Variants in KHDRBS2 observed in about 807,000 individuals in gnomAD.
KHDRBS2 encodes KH RNA binding domain containing, signal transduction associated 2, also known as KH domain-containing, RNA-binding, signal transduction-associated protein 2.
KHDRBS2 carries 26 observed loss-of-function variants against 44.3 expected under a neutral mutation model. The ratio of observed to expected loss-of-function variants is 0.59; its 90% CI spans 0.43 to 0.81. The LOEUF (loss-of-function observed/expected upper bound fraction) is 0.81, where lower values mean the gene tolerates loss of function less well. Ranked by LOEUF, KHDRBS2 falls within the 40% of genes least tolerant of loss-of-function variation. The probability of loss-of-function intolerance (pLI) is 0.00; values close to 1 mark genes in which losing one functional copy is unlikely to be tolerated. For synonymous variants in KHDRBS2, 194 were observed against 151.1 expected (o/e 1.28, Z -2.08); for missense variants, 476 against 433.1 (o/e 1.10, Z -0.88).
At chr6:61,788,461 A>G (rs1181515874) in intron 6 of KHDRBS2, among the ~76,000 whole-genome samples, 1 of 151,500 alleles carries the variant, frequency 6.6e-6, no homozygotes, top group Admixed American at 6.6e-5. Context: ...CAAAATATGT[A>G]TGAGAACAAT....
chr6:61,592,543 C>T, the KHDRBS2 span, among the ~76,000 whole-genome samples: 1 of 152,168 alleles, frequency 6.6e-6, no homozygotes, highest in Non-Finnish European at 1.5e-5. Flanking sequence ...TAGTTTATTT[C>T]ACTGAAGTAG....
At chr6:61,675,313 C>A (rs965596681), downstream of KHDRBS2, among the ~76,000 whole-genome samples, 3 of 151,632 alleles carry the variant, frequency 2.0e-5, no homozygotes, top group Non-Finnish European at 4.4e-5. Context: ...TTCTTGATAA[C>A]CTTTCATATG....
At chr6:61,694,325 G>T (rs1158159808) in intron 8 of KHDRBS2, among the ~76,000 whole-genome samples, 1 of 152,080 alleles carries the variant, frequency 6.6e-6, no homozygotes, top group East Asian at 1.9e-4. Context: ...ACTTAAAATG[G>T]TTTAAAATCT....
At chr6:61,678,003 A>G (rs1485082967), downstream of KHDRBS2, among the ~76,000 whole-genome samples, 1 of 151,884 alleles carries the variant, frequency 6.6e-6, no homozygotes, top group Non-Finnish European at 1.5e-5. Context: ...TAAAGTTAAC[A>G]TATATTATGG....
At chr6:61,643,459 C>T in the KHDRBS2 span, among the ~76,000 whole-genome samples, 4 of 152,088 alleles carry the variant, frequency 2.6e-5, no homozygotes, top group East Asian at 7.7e-4. Flanking sequence ...AAACCCTGGC[C>T]AGAGCAATCA....
chr6:61,765,265 C>A (rs72878825), intron 6 of KHDRBS2, among the ~76,000 whole-genome samples: 5,023 of 151,988 alleles, frequency 0.033, 118 homozygotes, highest in Non-Finnish European at 0.055. Flanking sequence ...CCAGCCTGGG[C>A]AAAATAGGGA....
the KHDRBS2 span, among the ~76,000 whole-genome samples, chr6:61,603,138 C>T: frequency 6.6e-6 from 1 of 152,192 alleles, no homozygotes; most frequent in African/African-American, 2.4e-5. Context: ...CCTGTTGTCA[C>T]TTGCCTGTTA....
intron 4 of KHDRBS2, among the ~76,000 whole-genome samples, chr6:61,957,993 C>A: frequency 6.6e-6 from 1 of 152,082 alleles, no homozygotes; most frequent in East Asian, 1.9e-4. Context: ...TAGAAAAGAA[C>A]CTACATGAAA....
chr6:61,637,934 G>A, the KHDRBS2 span, among the ~76,000 whole-genome samples: 1 of 151,922 alleles, frequency 6.6e-6, no homozygotes, highest in African/African-American at 2.4e-5. Context: ...CTGGATATTA[G>A]CCCTTTTCAG....
chr6:61,885,370 T>C (rs1800799090), intron 6 of KHDRBS2, among the ~76,000 whole-genome samples: 1 of 152,194 alleles, frequency 6.6e-6, no homozygotes, highest in South Asian at 2.1e-4. Context: ...GTCTCTTTCA[T>C]AGCTGAGCTG....
chr6:61,769,417 G>A (rs1218426412), intron 6 of KHDRBS2, among the ~76,000 whole-genome samples: 2 of 152,180 alleles, frequency 1.3e-5, no homozygotes, highest in South Asian at 2.1e-4. Context: ...CCTAGTCAAA[G>A]AAAGCAGTGA....
rs189546033 is a variant in KHDRBS2 at position 61,964,818 on chromosome 6, T to A, written c.483+13248A>T. On this transcript the variant is annotated intron_variant, in intron 4 of 8. Transcript: ENST00000281156. ...GAAATGTGCTTCAAAGGAAAAGCAC[T>A]TAAACAGATTTCCACACAGGTGTTT... Among the ~76,000 whole-genome samples the A allele has an allele frequency of 2.2e-3, 342 of 152,218 alleles. 2 individuals carry two copies. Among genetic ancestry groups the A allele is most frequent in the African/African-American group, 8.0e-3 (333 of 41,556 alleles).
chr6:62,242,967 T>C (rs1470964795), intron 1 of KHDRBS2, among the ~76,000 whole-genome samples: 3 of 152,286 alleles, frequency 2.0e-5, no homozygotes, highest in Middle Eastern at 3.4e-3. Flanking sequence ...TAACAGTGTG[T>C]GTACTCAGAT....
At chr6:61,938,614 G>A (rs1477122183) in intron 4 of KHDRBS2, among the ~76,000 whole-genome samples, 5 of 152,182 alleles carry the variant, frequency 3.3e-5, no homozygotes, top group African/African-American at 1.2e-4. Context: ...ACTGTGAAAG[G>A]AAGGCATGGC....
At chr6:62,046,956 A>G (rs563052125) in intron 3 of KHDRBS2, among the ~76,000 whole-genome samples, 25 of 152,082 alleles carry the variant, frequency 1.6e-4, no homozygotes, top group African/African-American at 5.1e-4. Context: ...TTACTACAGT[A>G]AAGATACTTT....
intron 6 of KHDRBS2, among the ~76,000 whole-genome samples, chr6:61,773,907 T>C (rs947486097): frequency 2.6e-5 from 4 of 151,772 alleles, no homozygotes; most frequent in Non-Finnish European, 4.4e-5. Context: ...GGGAATCCTT[T>C]CCCCATTGCT....
intron 1 of KHDRBS2, among the ~76,000 whole-genome samples, chr6:62,218,595 TTTAAA>T (rs992041051): frequency 4.7e-4 from 72 of 151,976 alleles, no homozygotes; most frequent in African/African-American, 1.6e-3. Flanking sequence ...ATGTTATAAA[TTTAAA>T]ATAAAATCAA....
In KHDRBS2 at chr6:61,975,653, G is replaced by GCACACACACACA. The variant is rs567222441; in HGVS notation, c.483+2401_483+2412dup. On this transcript the variant is annotated intron_variant, in intron 4 of 8. Coordinates refer to ENST00000281156, the MANE Select transcript of KHDRBS2 (RefSeq NM_152688.4). ...CACAGAAATCAAAGATAAGCAAGATGCACACACACACACACACACACACAC... is the reference window on the plus strand; with the variant it reads ...CACAGAAATCAAAGATAAGCAAGATGCACACACACACACACACACACACACACACACACACAC... Among the ~76,000 whole-genome samples the GCACACACACACA allele has an allele frequency of 5.7e-3, 504 of 88,388 alleles. 6 individuals carry two copies. The South Asian group carries it at 0.073, about 13-fold the overall frequency. The allele number at this position is 88,388 out of a possible 152,430, so 58.0% of individuals were successfully genotyped here.
chr6:61,661,820 G>T, the KHDRBS2 span, among the ~76,000 whole-genome samples: 9 of 152,072 alleles, frequency 5.9e-5, no homozygotes, highest in Admixed American at 3.3e-4. Context: ...TGGCCATACT[G>T]CCTAAGGTAA....
Sources: gnomAD v4.1 joint callset for allele counts (sites outside exome capture counted in the v4.1 genomes callset) on GRCh38, gnomAD v4.1.1 for gene constraint, MANE v1.5 for transcripts, NCBI Gene and HGNC (gene_info 2026-07-23, HGNC 2026-07-21) for gene names.